The following CNTNAP5 variants were observed in gnomAD, a reference collection of about 807,000 sequenced individuals.
CNTNAP5 encodes the protein contactin associated protein family member 5, also known as contactin-associated protein-like 5.
In CNTNAP5, 72 loss-of-function variants were observed where a neutral mutation model predicts 150.2. The ratio of observed to expected loss-of-function variants is 0.48; its 90% CI spans 0.40 to 0.58. The LOEUF is 0.58. Among genes scored for constraint, CNTNAP5 ranks in the 20% least tolerant of loss-of-function variants. The pLI is 0.00. For missense variants in CNTNAP5, 1,636 were observed against 1,626.2 expected, an observed-to-expected ratio of 1.01 and a Z score of -0.10; for synonymous variants, 672 against 619.8, an observed-to-expected ratio of 1.08 and a Z score of -1.25.
intron 3 of CNTNAP5, among the ~76,000 whole-genome samples, chr2:124,398,192 T>C: frequency 6.6e-6 from 1 of 152,168 alleles, no homozygotes; most frequent in South Asian, 2.1e-4. Context: ...AAAGTACTTG[T>C]TGCCTAGAAG....
intron 21 of CNTNAP5, among the ~76,000 whole-genome samples, chr2:124,874,549 C>T (rs1677815530): frequency 6.6e-6 from 1 of 151,740 alleles, no homozygotes; most frequent in Admixed American, 6.6e-5. Context: ...TCCTGTTGTC[C>T]CCTTCTTTAC....
chr2:124,515,060 A>G (rs1212255123), intron 8 of CNTNAP5, among the ~76,000 whole-genome samples: 2 of 152,234 alleles, frequency 1.3e-5, no homozygotes, highest in African/African-American at 4.8e-5. Flanking sequence ...GCAAAGCCAG[A>G]TGTTTTCCCT....
chr2:124,695,302 T>C (rs1679383386), intron 13 of CNTNAP5, among the ~76,000 whole-genome samples: 1 of 152,186 alleles, frequency 6.6e-6, no homozygotes, highest in South Asian at 2.1e-4. Flanking sequence ...TCACAGACAT[T>C]TGTGAAATGC....
intron 5 of CNTNAP5, among the ~76,000 whole-genome samples, chr2:124,443,621 A>G (rs1216033396): frequency 1.3e-5 from 2 of 152,140 alleles, no homozygotes; most frequent in Non-Finnish European, 2.9e-5. Context: ...CCAAAGTTAC[A>G]TAAAAAATAA....
At chr2:124,908,423 G>A (rs969785274) in intron 22 of CNTNAP5, among the ~76,000 whole-genome samples, 134 of 152,014 alleles carry the variant, frequency 8.8e-4, no homozygotes, top group African/African-American at 3.0e-3. Flanking sequence ...AACAGAAAAA[G>A]GTCATGATCT....
At chr2:124,832,751 G>A (rs56171708) in intron 19 of CNTNAP5, among the ~76,000 whole-genome samples, 17,852 of 151,838 alleles carry the variant, frequency 0.12, 1,244 homozygotes, top group Non-Finnish European at 0.16. Context: ...TAATAATGCC[G>A]TAAACAATGA....
chr2:124,229,987 G>A (rs984264618), intron 2 of CNTNAP5, among the ~76,000 whole-genome samples: 1 of 151,706 alleles, frequency 6.6e-6, no homozygotes, highest in Admixed American at 6.6e-5. Flanking sequence ...TGTATTTTTT[G>A]AGATGCTTGC....
intron 17 of CNTNAP5, among the ~76,000 whole-genome samples, chr2:124,786,333 G>GAGAAAGAAAGAAAGGAAGGAAGAAAGAA (rs1681569346): frequency 8.1e-6 from 1 of 123,028 alleles, no homozygotes; most frequent in African/African-American, 3.2e-5. Context: ...AAGAAAGAAA[G>GAGAAAGAAAGAAAGGAAGGAAGAAAGAA]AGAAAGAAAG....
chr2:124,425,925 A>G (rs898745636), intron 4 of CNTNAP5, among the ~76,000 whole-genome samples: 1 of 152,224 alleles, frequency 6.6e-6, no homozygotes, highest in African/African-American at 2.4e-5. Context: ...CTACTATGGA[A>G]GTTCCCTAAA....
chr2:124,359,283 G>GT (rs1190637985), intron 3 of CNTNAP5, among the ~76,000 whole-genome samples: 2 of 150,604 alleles, frequency 1.3e-5, no homozygotes, highest in Admixed American at 6.6e-5. Context: ...TTTTTGAAGG[G>GT]TTTTTTGTGT....
chr2:124,247,395 A>G (rs1374611245), intron 3 of CNTNAP5, among the ~76,000 whole-genome samples: 1 of 151,940 alleles, frequency 6.6e-6, no homozygotes, highest in Non-Finnish European at 1.5e-5. Flanking sequence ...AATCAATGGC[A>G]TGCAACACAG....
intron 1 of CNTNAP5, among the ~76,000 whole-genome samples, chr2:124,061,491 T>C (rs1000659953): frequency 2.0e-5 from 3 of 152,316 alleles, no homozygotes; most frequent in African/African-American, 7.2e-5. Context: ...TGTTAGTCTC[T>C]GTACCGACAG....
chr2:124,907,385 C>T (rs2104764683), intron 22 of CNTNAP5, among the ~76,000 whole-genome samples: 1 of 151,680 alleles, frequency 6.6e-6, no homozygotes, highest in South Asian at 2.1e-4. Flanking sequence ...CTCTCTCTAT[C>T]TCTATATATA....
At chr2:124,718,250 C>T (rs1043697402) in intron 13 of CNTNAP5, among the ~76,000 whole-genome samples, 1 of 152,136 alleles carries the variant, frequency 6.6e-6, no homozygotes, top group Non-Finnish European at 1.5e-5. Flanking sequence ...TAATTACCTC[C>T]TCTTTGCTTA....
At chr2:124,735,466 A>G (rs1438587317) in intron 13 of CNTNAP5, among the ~76,000 whole-genome samples, 1 of 151,840 alleles carries the variant, frequency 6.6e-6, no homozygotes, top group Non-Finnish European at 1.5e-5. Flanking sequence ...TGTTTTTTAG[A>G]TAAATCAATA....
chr2:124,215,878 T>A (rs1214542668), intron 1 of CNTNAP5, among the ~76,000 whole-genome samples: 2 of 152,282 alleles, frequency 1.3e-5, no homozygotes, highest in East Asian at 3.9e-4. Context: ...CTACTACTAA[T>A]GGTTACCTGC....
At chr2:124,382,058 G>A (rs891355574) in intron 3 of CNTNAP5, among the ~76,000 whole-genome samples, 1 of 152,176 alleles carries the variant, frequency 6.6e-6, no homozygotes, top group African/African-American at 2.4e-5. Flanking sequence ...TTTGTGAGAT[G>A]TATTAAGGCA....
chr2:124,155,441 CGTGT>C (rs146761332), intron 1 of CNTNAP5, among the ~76,000 whole-genome samples: 1 of 150,706 alleles, frequency 6.6e-6, no homozygotes, highest in African/African-American at 2.4e-5. Context: ...AAATGAATAG[CGTGT>C]GTGTGTGTGT....
chr2:124,906,547 AAAGGTGGG>A, intron 22 of CNTNAP5, among the ~76,000 whole-genome samples: 1 of 152,138 alleles, frequency 6.6e-6, no homozygotes, highest in South Asian at 2.1e-4. Flanking sequence ...TAGGAAGATA[AAAGGTGGG>A]ACATCTTATT....
Sources: gnomAD v4.1 joint callset for allele counts (sites outside exome capture counted in the v4.1 genomes callset) on GRCh38, gnomAD v4.1.1 for gene constraint, MANE v1.5 for transcripts, NCBI Gene and HGNC (gene_info 2026-07-23, HGNC 2026-07-21) for gene names.